Variants in ACCSL observed in about 807,000 individuals in gnomAD.
ACCSL encodes the protein probable inactive 1-aminocyclopropane-1-carboxylate synthase-like protein 2.
In ACCSL, 55 loss-of-function variants were observed where a neutral mutation model predicts 61.7. That is an observed-to-expected ratio of 0.89 (90% confidence interval 0.72 to 1.12). ACCSL has a LOEUF of 1.12. Ranked by LOEUF, ACCSL falls within the 50% of genes most tolerant of loss-of-function variation. The pLI is 0.00. For missense variants in ACCSL, 632 were observed against 698.0 expected, an observed-to-expected ratio of 0.91 and a Z score of 1.07; for synonymous variants, 258 against 264.3, an observed-to-expected ratio of 0.98 and a Z score of 0.23.
the ACCSL span, among the ~76,000 whole-genome samples, chr11:43,990,813 G>A: frequency 3.9e-5 from 6 of 152,190 alleles, no homozygotes; most frequent in Admixed American, 2.0e-4. Context: ...GGCTCACACC[G>A]TAATCACAGC....
At chr11:43,943,895 TCTTGA>T in the ACCSL span, 46 of 1,211,762 alleles carry the variant, frequency 3.8e-5, no homozygotes, top group African/African-American at 4.8e-5. The surrounding 1 kb of genome is among the most constrained non-coding windows in gnomAD (Gnocchi z 4.8). Flanking sequence ...TTTTCCAGGC[TCTTGA>T]CTTTTTGCAC....
chr11:43,959,123 T>G, the ACCSL span, among the ~76,000 whole-genome samples: 1 of 152,198 alleles, frequency 6.6e-6, no homozygotes, highest in East Asian at 1.9e-4. Flanking sequence ...ACAGTGGGCA[T>G]TACATGTCAA....
At chr11:44,011,158 C>T in the ACCSL span, among the ~76,000 whole-genome samples, 1 of 152,068 alleles carries the variant, frequency 6.6e-6, no homozygotes, top group Non-Finnish European at 1.5e-5. Context: ...GTATGTCTCC[C>T]ATCTCCCCTG....
chr11:44,029,821 G>A, the ACCSL span, among the ~76,000 whole-genome samples: 1 of 151,908 alleles, frequency 6.6e-6, no homozygotes, highest in Non-Finnish European at 1.5e-5. Flanking sequence ...GATCACTTAG[G>A]ATAAAGAAGA....
At chr11:43,988,887 C>T in the ACCSL span, among the ~76,000 whole-genome samples, 545 of 147,366 alleles carry the variant, frequency 3.7e-3, 6 homozygotes, top group African/African-American at 0.013. Context: ...CCTCTCTCCT[C>T]GGCCTCTAGA....
the ACCSL span, among the ~76,000 whole-genome samples, chr11:44,040,297 G>A: frequency 1.3e-5 from 2 of 152,140 alleles, no homozygotes; most frequent in African/African-American, 4.8e-5. Flanking sequence ...GTAGGCCCAG[G>A]CCTAGCCTAC....
chr11:43,967,317 A>T, the ACCSL span, among the ~76,000 whole-genome samples: 58 of 151,714 alleles, frequency 3.8e-4, no homozygotes, highest in Non-Finnish European at 6.5e-4. Context: ...AGCTGGGATT[A>T]CAGGCACCTG....
At position 44,058,610 on chromosome 11, in the gene ACCSL, T is replaced by A. The variant is rs1456183185; in HGVS notation, c.1535T>A (p.Leu512Gln). The change falls in exon 13 of 14, where the codon CTA becomes CAA. Residue 512 changes from leucine (L) to glutamine (Q), a missense_variant. Physicochemically the swap from Leu to Gln is moderately radical, Grantham distance 113 (BLOSUM62 -2). Coordinates refer to ENST00000378832, the MANE Select transcript of ACCSL (RefSeq NM_001031854.2). ...TATTGCCGCTTCCTGGACAACAAGC[T>A]ATTGTTATCCCGTGGCAAAACCTAC... ...LLYCRFLDNK[L>Q]LLSRGKTYMC... 7 of 1,614,014 alleles carry A rather than the reference T, an allele frequency of 4.3e-6. No homozygotes were observed. The highest frequency in any genetic ancestry group is 5.1e-6 in the Non-Finnish European group (6 of 1,180,026).
chr11:43,960,394 GT>G, the ACCSL span, among the ~76,000 whole-genome samples: 1 of 151,650 alleles, frequency 6.6e-6, no homozygotes, highest in Non-Finnish European at 1.5e-5. Flanking sequence ...TGCCTTTTTC[GT>G]TTGTTTGTTT....
At chr11:44,023,041 C>CTTTTTTTTTTTT in the ACCSL span, among the ~76,000 whole-genome samples, 13 of 86,448 alleles carry the variant, frequency 1.5e-4, no homozygotes, top group East Asian at 3.8e-4. Flanking sequence ...TCTTCTTCTT[C>CTTTTTTTTTTTT]TTTTTTTTTT....
At chr11:43,943,420 T>G in the ACCSL span, 2 of 1,445,998 alleles carry the variant, frequency 1.4e-6, no homozygotes, top group South Asian at 1.3e-5. The surrounding 1 kb of genome is among the most constrained non-coding windows in gnomAD (Gnocchi z 4.8). Context: ...CCCGCCCCGC[T>G]GCGAACCGGT....
the ACCSL span, among the ~76,000 whole-genome samples, chr11:43,998,927 AT>A: frequency 2.0e-5 from 3 of 152,086 alleles, no homozygotes; most frequent in Non-Finnish European, 2.9e-5. Context: ...ACCAGGCTAA[AT>A]TTTTACATTT....
the ACCSL span, among the ~76,000 whole-genome samples, chr11:43,951,432 G>A: frequency 6.6e-6 from 1 of 152,134 alleles, no homozygotes; most frequent in Non-Finnish European, 1.5e-5. Context: ...GGGCCAGCTG[G>A]GCCAGAGCAG....
chr11:43,982,291 A>G, the ACCSL span, among the ~76,000 whole-genome samples: 23,223 of 141,056 alleles, frequency 0.16, 2,015 homozygotes, highest in African/African-American at 0.2. Flanking sequence ...GCAGTGGCGC[A>G]ATCTCGGCTC....
At chr11:43,946,938 A>G in the ACCSL span, 1 of 152,396 alleles carries the variant, frequency 6.6e-6, no homozygotes, top group African/African-American at 2.4e-5. Context: ...TGCCCTGCAC[A>G]GAGGAAGGAG....
rs1306122198 is a variant in ACCSL, at chr11:44,048,332, A to G, written c.296A>G (p.Glu99Gly). Reference sequence around the variant, plus strand: ...GAGCTCCAAGTGCCTCTTCCTTCTGAGGACTCTAGGGGTGATGTCAGATAT... The same window carrying G: ...GAGCTCCAAGTGCCTCTTCCTTCTGGGGACTCTAGGGGTGATGTCAGATAT... The part of the protein sequence containing the change: ...GLELQVPLPS[E>G]DSRGDVRYGQ... The change falls in exon 1 of 14, where the codon GAG (glutamate) becomes GGG (glycine). Residue 99 changes from glutamate to glycine, a missense_variant. Transcript: ENST00000378832. The G allele has an allele frequency of 1.2e-6, 2 of 1,613,838 alleles. No individual in the cohort carries two copies. Among genetic ancestry groups the G allele is most frequent in the Admixed American group, 3.3e-5 (2 of 59,998 alleles).
At chr11:44,015,150 C>G in the ACCSL span, among the ~76,000 whole-genome samples, 1 of 152,198 alleles carries the variant, frequency 6.6e-6, no homozygotes, top group African/African-American at 2.4e-5. Context: ...TTTTTCTGAG[C>G]ACACGTGTTG....
At chr11:44,026,557 C>A in the ACCSL span, among the ~76,000 whole-genome samples, 2 of 152,242 alleles carry the variant, frequency 1.3e-5, no homozygotes. Flanking sequence ...TAATTGAATG[C>A]TTTTTGTTCT....
the ACCSL span, among the ~76,000 whole-genome samples, chr11:43,932,812 T>C: frequency 2.0e-5 from 3 of 152,220 alleles, no homozygotes; most frequent in Non-Finnish European, 4.4e-5. Flanking sequence ...CACCAGGCCA[T>C]GCCAGGGAAG....
Sources: allele counts gnomAD v4.1 joint callset (sites outside exome capture counted in the v4.1 genomes callset), GRCh38; gene constraint gnomAD v4.1.1; non-coding constraint Gnocchi (gnomAD v3.1); transcripts MANE v1.5; gene names NCBI Gene and HGNC (gene_info 2026-07-23, HGNC 2026-07-21).